ZNF263: variants seen among roughly 807,000 people sequenced by gnomAD.
The protein encoded by ZNF263 is zinc finger protein FPM315.
In ZNF263, 49 loss-of-function variants were observed where a neutral mutation model predicts 63.1. The observed-to-expected ratio is 0.78, with a 90% confidence interval of 0.62 to 0.99. The LOEUF (loss-of-function observed/expected upper bound fraction) is 0.99. Among genes scored for constraint, ZNF263 ranks in the 50% least tolerant of loss-of-function variants. ZNF263 has a pLI of 0.00. For synonymous variants in ZNF263, 352 were observed against 324.2 expected, an observed-to-expected ratio of 1.09 and a Z score of -0.92; for missense variants, 872 against 854.8, an observed-to-expected ratio of 1.02 and a Z score of -0.25.
rs34751211 is a variant in ZNF263, at chr16:3,287,405, C to CTTTTTTT, written c.770-1031_770-1025dup. On this transcript the variant is annotated intron_variant, in intron 4 of 5. Transcript: ENST00000219069. ...ACAGGTGTGAGCCACCACACCCGGC[C>CTTTTTTT]TTTTTTTTTTTTTTTTTTTTTTTTG... is the stretch of plus-strand genomic sequence containing the variant. Among the ~76,000 whole-genome samples the CTTTTTTT allele has an allele frequency of 3.3e-4, 32 of 97,856 alleles. 1 individual carries two copies. Among genetic ancestry groups the CTTTTTTT allele is most frequent in the African/African-American group, 6.5e-4 (16 of 24,456 alleles). 64.2% of individuals were successfully genotyped at this position (97,856 alleles called of 152,430 possible). A position where few individuals can be genotyped will look rare whatever the true frequency, so the allele number is the denominator to read the frequency against.
downstream of ZNF263, chr16:3,292,924 C>G (rs1959649943): frequency 6.6e-6 from 1 of 152,228 alleles, no homozygotes; most frequent in Non-Finnish European, 1.5e-5. Flanking sequence ...CAACTGTCGA[C>G]AGATGATCCA....
intron 4 of ZNF263, among the ~76,000 whole-genome samples, chr16:3,287,722 T>C (rs1385913113): frequency 6.6e-6 from 1 of 152,034 alleles, no homozygotes; most frequent in Non-Finnish European, 1.5e-5. Context: ...AATCTCATGG[T>C]CCTCTTAGAG....
intron 2 of ZNF263, chr16:3,299,747 T>C (rs756578373): frequency 6.5e-7 from 1 of 1,545,634 alleles, no homozygotes; most frequent in Non-Finnish European, 8.7e-7. Flanking sequence ...AACAATGCCC[T>C]GACGTCCTCG....
At chr16:3,298,598 AGT>A (rs556914767) in intron 1 of ZNF263, among the ~76,000 whole-genome samples, 9 of 152,342 alleles carry the variant, frequency 5.9e-5, no homozygotes, top group Admixed American at 3.3e-4. Context: ...AAGAAAGCAG[AGT>A]GTGTTTTACC....
downstream of ZNF263, among the ~76,000 whole-genome samples, chr16:3,293,931 T>G (rs1416659086): frequency 6.6e-6 from 1 of 152,200 alleles, no homozygotes; most frequent in Non-Finnish European, 1.5e-5. Context: ...CACTTTTTTG[T>G]TTTGTTTTGT....
chr16:3,300,712 C>G, intron 2 of ZNF263: 1 of 1,480,782 alleles, frequency 6.8e-7, no homozygotes, highest in Non-Finnish European at 8.9e-7. Flanking sequence ...CAAAACTTAG[C>G]TGAAAGCCCC....
exon 3 of ZNF263, chr16:3,301,266 G>A (rs1319112466): frequency 1.2e-5 from 2 of 167,130 alleles, no homozygotes; most frequent in African/African-American, 4.8e-5. Context: ...CAGGGACCCT[G>A]ACATTGGGAT....
intron 2 of ZNF263, chr16:3,299,187 T>C: frequency 6.3e-7 from 1 of 1,593,598 alleles, no homozygotes; most frequent in Non-Finnish European, 8.5e-7. Flanking sequence ...CAGCAGATAA[T>C]TTAAATTCAG....
At position 3,291,131 on chromosome 16, in the gene ZNF263, T is replaced by C. The variant is rs577917568; in HGVS notation, c.*573T>C. 137 of 986,608 alleles carry C rather than the reference T, an allele frequency of 1.4e-4. No individual in the cohort carries two copies. The African/African-American group carries it at 2.1e-3, about 15-fold the overall frequency. The allele number at this position is 986,608 out of a possible 1,614,324, so 61.1% of individuals were successfully genotyped here. On this transcript the variant is annotated 3_prime_UTR_variant, in exon 6 of 6. Transcript: ENST00000219069. ...TACGATGGCCTAACAGGAGTGCCCA[T>C]TGGCAGATTACACATGTAAATATGA...
At chr16:3,285,919 CT>C (rs1212120022) in intron 3 of ZNF263, 103 bp from the exon 4 acceptor site, 33 of 1,592,636 alleles carry the variant, frequency 2.1e-5, no homozygotes, top group African/African-American at 5.4e-5. Context: ...TTCTTCCCCC[CT>C]GACATGTGCT....
In ZNF263 at chr16:3,283,894, C is replaced by T. The variant is rs1341952692; in HGVS notation, c.76C>T (p.Gln26Ter). 5.6e-6 allele frequency: 9 copies of T among 1,611,220 alleles called. No individual in the cohort carries two copies. Among genetic ancestry groups the T allele is most frequent in the Non-Finnish European group, 7.6e-6 (9 of 1,178,940 alleles). Residue 26 changes from glutamine (Q) to a stop codon, truncating the protein, a stop_gained, in exon 1 of 6, where the codon CAG becomes TAG. Transcript: ENST00000219069. LOFTEE classifies it high-confidence loss of function. ...GCTGGAGGAGGACTGCGCCTGGAGC[C>T]AGGAGCTGCCCCCACCTGACCCAGG... ...VKLEEDCAWS[Q>*]ELPPPDPGPS... is the part of the protein sequence containing the mutation.
rs1959466439 is a variant in ZNF263 at position 3,288,515 on chromosome 16, G to A, written c.831G>A (p.Trp277Ter). The change falls in exon 5 of 6, where the codon TGG (tryptophan) becomes TGA (stop). Residue 277 changes from tryptophan (W) to a stop codon, truncating the protein, a stop_gained. Transcript: ENST00000219069. LOFTEE classifies it high-confidence loss of function. ...GTQVGQGGKL[W>*]DPSVQSCKEG... ...AGGTGGGACAAGGAGGAAAGCTATG[G>A]GATCCCAGTGTCCAGAGCTGCAAGG... is the stretch of plus-strand genomic sequence containing the variant. 6.2e-7 allele frequency: 1 copy of A among 1,612,888 alleles called. No individual in the cohort carries two copies. The highest frequency in any genetic ancestry group is 1.7e-5 in the Admixed American group (1 of 59,962).
Position 3,285,689 on chromosome 16 carries a change from G to C in ZNF263, c.577G>C (p.Ala193Pro), listed in dbSNP as rs1400751169. The C allele has an allele frequency of 6.2e-7, 1 of 1,614,082 alleles. No individual in the cohort carries two copies. The highest frequency in any genetic ancestry group is 1.7e-5 in the Admixed American group (1 of 60,018). Residue 193 changes from alanine to proline, a missense_variant, in exon 3 of 6, where the codon GCT (alanine) becomes CCT (proline). By Grantham distance (27) the Ala-to-Pro change is conservative. Transcript: ENST00000219069. ...PQAVKERALSAPWLSLFPPEG... is the reference protein window; with the variant it reads ...PQAVKERALSPPWLSLFPPEG... ...ATTTCTGTCACCTTCAGCATTATCTGCTCCCTGGCTTTCTCTTTTTCCTCC... is the reference window on the plus strand; with the variant it reads ...ATTTCTGTCACCTTCAGCATTATCTCCTCCCTGGCTTTCTCTTTTTCCTCC...
rs201954010 is a variant in ZNF263 at position 3,288,502 on chromosome 16, G to C, written c.818G>C (p.Gly273Ala). ...GTCCCAGGCACCCAGGTGGGACAAGGAGGAAAGCTATGGGATCCCAGTGTC... is the reference window on the plus strand; with the variant it reads ...GTCCCAGGCACCCAGGTGGGACAAGCAGGAAAGCTATGGGATCCCAGTGTC... ...QEVPGTQVGQ[G>A]GKLWDPSVQS... Residue 273 changes from glycine to alanine, a missense_variant, in exon 5 of 6, where the codon GGA becomes GCA. Coordinates refer to ENST00000219069, the MANE Select transcript of ZNF263 (RefSeq NM_005741.5). The C allele has an allele frequency of 3.8e-5, 62 of 1,613,106 alleles. No individual in the cohort carries two copies. The Admixed American group carries it at 4.7e-4, about 12-fold the overall frequency.
In ZNF263 at chr16:3,291,388, G is replaced by C. The variant is rs1959608346; in HGVS notation, c.*830G>C. The C allele has an allele frequency of 1.2e-5, 12 of 985,324 alleles. No individual in the cohort carries two copies. The highest frequency in any genetic ancestry group is 1.7e-5 in the African/African-American group (1 of 57,240). The allele number at this position is 985,324 out of a possible 1,614,324, so 61.0% of individuals were successfully genotyped here. On this transcript the variant is annotated 3_prime_UTR_variant, in exon 6 of 6. Transcript: ENST00000219069. ...GGAAAATTGAAAATGTGAATCCTAGGGGGAAATTGGGGATTGTGTCTTTCC... is the reference window on the plus strand; with the variant it reads ...GGAAAATTGAAAATGTGAATCCTAGCGGGAAATTGGGGATTGTGTCTTTCC...
At chr16:3,297,560 G>A (rs1043326208) in intron 1 of ZNF263, among the ~76,000 whole-genome samples, 7 of 145,504 alleles carry the variant, frequency 4.8e-5, no homozygotes, top group Non-Finnish European at 8.9e-5. Context: ...CGCCTCCCAG[G>A]TTCACGCCAT....
intron 1 of ZNF263, chr16:3,298,932 T>A (rs370768253): frequency 1.5e-5 from 14 of 955,968 alleles, no homozygotes; most frequent in Non-Finnish European, 1.9e-5. Flanking sequence ...CTGGCCTACA[T>A]CATATAATGG....
At chr16:3,285,356 A>C in intron 2 of ZNF263, 117 bp downstream of exon 2, 33 of 1,232,740 alleles carry the variant, frequency 2.7e-5, no homozygotes, top group Non-Finnish European at 3.4e-5. Flanking sequence ...TCAGGTTCTC[A>C]CCTGTGGAAT....
intron 4 of ZNF263, among the ~76,000 whole-genome samples, chr16:3,287,234 C>T (rs779090054): frequency 2.6e-5 from 4 of 152,148 alleles, no homozygotes; most frequent in African/African-American, 9.7e-5. Flanking sequence ...CCTCAGCCTC[C>T]AGAGTAGCTG....
Sources: allele counts gnomAD v4.1 joint callset (sites outside exome capture counted in the v4.1 genomes callset), GRCh38; gene constraint gnomAD v4.1.1; transcripts MANE v1.5; gene names NCBI Gene and HGNC (gene_info 2026-07-23, HGNC 2026-07-21).